Variants in PLAGL1 observed in about 807,000 individuals in gnomAD.
PLAGL1 encodes the protein zinc finger protein PLAGL1.
In PLAGL1, 1 loss-of-function variant was observed where a neutral mutation model predicts 4.6. The ratio of observed to expected loss-of-function variants is 0.22; its 90% confidence interval spans 0.08 to 1.03. The LOEUF is 1.03. PLAGL1 is among the 50% of genes least tolerant of loss of function. The probability of loss-of-function intolerance (pLI) is 0.58; values close to 1 mark genes in which losing one functional copy is unlikely to be tolerated. For synonymous variants in PLAGL1, 240 were observed against 237.8 expected (o/e 1.01, Z -0.08); for missense variants, 464 against 570.4 (o/e 0.81, Z 1.90).
At position 144,034,203 on chromosome 6, in the gene PLAGL1, C is replaced by T. The variant is rs1797046960; in HGVS notation, c.-151+30265G>A. On this transcript the variant is annotated intron_variant, in intron 1 of 3. Transcript: ENST00000437412. This position sits in a 1 kb window ranked among gnomAD's most constrained non-coding sequence, Gnocchi z 4.7. ...GGGGGTGCCCCAGCTTAGCGAACCC[C>T]AGCCTCCCTCCTGGGGTGCCTCATT... Among the ~76,000 whole-genome samples, 1 of 152,152 alleles carries T rather than the reference C, an allele frequency of 6.6e-6. No homozygotes were observed. Among genetic ancestry groups the T allele is most frequent in the Non-Finnish European group, 1.5e-5 (1 of 68,036 alleles).
At position 143,994,634 on chromosome 6, in the gene PLAGL1, G is replaced by T. The variant is rs1248125498; in HGVS notation, c.-583-9460C>A. Among the ~76,000 whole-genome samples, 1 of 152,156 alleles carries T rather than the reference G, an allele frequency of 6.6e-6. No individual in the cohort carries two copies. Among genetic ancestry groups the T allele is most frequent in the Admixed American group, 6.5e-5 (1 of 15,278 alleles). On this transcript the variant is annotated intron_variant, in intron 1 of 7. Transcript: ENST00000674357. The surrounding 1 kb of genome is among the most constrained non-coding windows in gnomAD (Gnocchi z 4.3). ...ATGAGAGACAGCAGTGTGACCACTG[G>T]AGCAGCTCATATTCGGTCCCAACAT...
At chr6:143,980,109 A>T (rs1019522904) in intron 2 of PLAGL1, among the ~76,000 whole-genome samples, 1 of 152,106 alleles carries the variant, frequency 6.6e-6, no homozygotes, top group Non-Finnish European at 1.5e-5. Flanking sequence ...CTCTGAATGT[A>T]TAGTTTTTTC....
At position 144,008,152 on chromosome 6, in the gene PLAGL1, A is replaced by G. The variant is rs1021140534; in HGVS notation, c.-646T>C. On this transcript the variant is annotated 5_prime_UTR_variant, in exon 1 of 8. An upstream start codon of the reference 5' UTR is lost. Coordinates refer to ENST00000674357, the MANE Select transcript of PLAGL1 (RefSeq NM_001317162.2). The surrounding 1 kb of genome is among the most constrained non-coding windows in gnomAD (Gnocchi z 6.9). Reference sequence around the variant, plus strand: ...GCTCGGGCGTGCCACCTCCGCGGCCATGACGGCGACCCGGGGAAGCGCCCC... The same window carrying G: ...GCTCGGGCGTGCCACCTCCGCGGCCGTGACGGCGACCCGGGGAAGCGCCCC... 5 of 151,742 alleles carry G rather than the reference A, an allele frequency of 3.3e-5. No individual in the cohort carries two copies. The highest frequency in any genetic ancestry group is 1.2e-4 in the African/African-American group (5 of 41,360). 9.4% of individuals were successfully genotyped at this position (151,742 alleles called of 1,614,324 possible).
At chr6:143,969,989 T>A (rs1437764321) in intron 2 of PLAGL1, among the ~76,000 whole-genome samples, 2 of 151,946 alleles carry the variant, frequency 1.3e-5, no homozygotes, top group Non-Finnish European at 1.5e-5. Flanking sequence ...TAGCTTTCAG[T>A]GAAAATAATG....
rs6917184 is a variant in PLAGL1 at position 143,957,228 on chromosome 6, G to C, written c.-325+3241C>G. Among the ~76,000 whole-genome samples, 2,772 of 152,322 alleles carry C rather than the reference G, an allele frequency of 0.018. 100 individuals carry two copies. The highest frequency in any genetic ancestry group is 0.064 in the African/African-American group (2,668 of 41,560). On this transcript the variant is annotated intron_variant, in intron 6 of 7. Transcript: ENST00000674357. The surrounding 1 kb of genome is among the most constrained non-coding windows in gnomAD (Gnocchi z 4.2). Reference sequence around the variant, plus strand: ...AAGGCAAGGGTTAAGTCCAGGCCTGGTTCTCAAGCTGAGATGGGACTGCCT... The same window carrying C: ...AAGGCAAGGGTTAAGTCCAGGCCTGCTTCTCAAGCTGAGATGGGACTGCCT...
At position 143,945,612 on chromosome 6, in the gene PLAGL1, A is replaced by G. The variant is rs1779589287; in HGVS notation, c.152+2373T>C. Reference sequence around the variant, plus strand: ...TACCTCAGCCTCCCGAGTAGCTGGGATTACAGGCGTGTACCACCACGCCCA... The same window carrying G: ...TACCTCAGCCTCCCGAGTAGCTGGGGTTACAGGCGTGTACCACCACGCCCA... On this transcript the variant is annotated intron_variant, in intron 7 of 7. Coordinates refer to ENST00000674357, the MANE Select transcript of PLAGL1 (RefSeq NM_001317162.2). The surrounding 1 kb of genome is among the most constrained non-coding windows in gnomAD (Gnocchi z 4.2). Among the ~76,000 whole-genome samples, 1 of 152,128 alleles carries G rather than the reference A, an allele frequency of 6.6e-6. No individual in the cohort carries two copies. The highest frequency in any genetic ancestry group is 1.5e-5 in the Non-Finnish European group (1 of 68,022).
chr6:144,045,675 C>T (rs1187270777), intron 1 of PLAGL1, among the ~76,000 whole-genome samples: 1 of 152,110 alleles, frequency 6.6e-6, no homozygotes, highest in Non-Finnish European at 1.5e-5. Flanking sequence ...CTTGGGGTTG[C>T]TCTTCTCAAG....
In PLAGL1 at chr6:144,034,283, A is replaced by G. The variant is rs115922377; in HGVS notation, c.-151+30185T>C. On this transcript the variant is annotated intron_variant, in intron 1 of 3. Coordinates refer to the PLAGL1 transcript ENST00000437412. This position sits in a 1 kb window ranked among gnomAD's most constrained non-coding sequence, Gnocchi z 4.7. ...CAAGGCCCAGGCTGACAACCCCCCAACCACACCACACCCTCTGGACTGAAG... is the reference window on the plus strand; with the variant it reads ...CAAGGCCCAGGCTGACAACCCCCCAGCCACACCACACCCTCTGGACTGAAG... 7.8e-4 allele frequency among the ~76,000 whole-genome samples: 119 copies of G among 152,084 alleles called. 1 individual carries two copies. The highest frequency in any genetic ancestry group is 2.2e-3 in the African/African-American group (91 of 41,448).
intron 1 of PLAGL1, among the ~76,000 whole-genome samples, chr6:144,025,817 CG>C (rs1460587537): frequency 6.6e-6 from 1 of 151,976 alleles, no homozygotes; most frequent in Admixed American, 6.6e-5. Context: ...CGCTTGAACC[CG>C]GGAGGTGGAG....
chr6:144,058,590 T>TA (rs774817336), intron 1 of PLAGL1, among the ~76,000 whole-genome samples: 2 of 152,168 alleles, frequency 1.3e-5, no homozygotes, highest in Non-Finnish European at 2.9e-5. Flanking sequence ...TTTGGGCCTA[T>TA]AAAAGCAAAA....
At chr6:143,981,518 G>A (rs1045366408) in intron 2 of PLAGL1, among the ~76,000 whole-genome samples, 8 of 152,254 alleles carry the variant, frequency 5.3e-5, no homozygotes, top group African/African-American at 1.7e-4. Context: ...CCTAGGATAA[G>A]CTGTGTTTGG....
intron 1 of PLAGL1, among the ~76,000 whole-genome samples, chr6:144,051,764 T>C (rs1798600560): frequency 1.3e-5 from 2 of 152,246 alleles, no homozygotes; most frequent in South Asian, 4.2e-4. Context: ...AGAGAGAGCT[T>C]GTGCAGGGGA....
rs1224913833 is a variant in PLAGL1 at position 144,027,226 on chromosome 6, A to AGAAT, written c.-151+37241_-151+37242insATTC. Among the ~76,000 whole-genome samples, 253 of 129,926 alleles carry AGAAT rather than the reference A, an allele frequency of 1.9e-3. 5 individuals carry two copies. Among genetic ancestry groups the AGAAT allele is most frequent in the African/African-American group, 7.4e-3 (243 of 32,950 alleles). The allele number at this position is 129,926 out of a possible 152,430, so 85.2% of individuals were successfully genotyped here. ...GTGACAGAGAAAGACCCCAACTCAA[A>AGAAT]GAACGAACGAAAGAAAGAAAGAAAG... On this transcript the variant is annotated intron_variant, in intron 1 of 3. Transcript: ENST00000437412. This position sits in a 1 kb window ranked among gnomAD's most constrained non-coding sequence, Gnocchi z 5.8.
chr6:143,942,449 C>A lies in PLAGL1; in HGVS notation c.367G>T (p.Gly123Trp), dbSNP rs201753929. ...CTCCCTAGCTCCAGGGCACAGACCC[C>A]ACAGGTGAGGTCCCCACTGCTGGCC... ...HAASSGDLTC[G>W]VCALELGSTE... The change falls in exon 8 of 8, where the codon GGG becomes TGG. Residue 123 changes from glycine to tryptophan, a missense_variant. Physicochemically the swap from Gly to Trp is radical, Grantham distance 184 (BLOSUM62 -2). Around this residue, in one of 4 missense-constraint regions of PLAGL1, gnomAD observed 161 missense variants for 196.7 expected, o/e 0.82. Coordinates refer to ENST00000674357, the MANE Select transcript of PLAGL1 (RefSeq NM_001317162.2). The surrounding 1 kb of genome is among the most constrained non-coding windows in gnomAD (Gnocchi z 7.6). The A allele has an allele frequency of 3.5e-5, 56 of 1,614,072 alleles. No homozygotes were observed. Among genetic ancestry groups the A allele is most frequent in the Non-Finnish European group, 1.0e-5 (12 of 1,180,032 alleles).
At chr6:144,009,209 G>A (rs1373583109), upstream of PLAGL1, among the ~76,000 whole-genome samples, 2 of 152,074 alleles carry the variant, frequency 1.3e-5, no homozygotes, top group African/African-American at 4.8e-5. Context: ...TGTTACTTTC[G>A]GCTTCCTAGC....
chr6:143,946,129 A>G (rs1337629102), intron 7 of PLAGL1, among the ~76,000 whole-genome samples: 1 of 152,196 alleles, frequency 6.6e-6, no homozygotes, highest in East Asian at 1.9e-4. Context: ...ATGTGTATGA[A>G]AAGTCAGCCT....
rs1303868024 is a variant in PLAGL1, at chr6:144,036,044, A to G, written c.-151+28424T>C. On this transcript the variant is annotated intron_variant, in intron 1 of 3. Coordinates refer to the PLAGL1 transcript ENST00000437412. This position sits in a 1 kb window ranked among gnomAD's most constrained non-coding sequence, Gnocchi z 5.1. ...TGATTACGTGTGGCTTAGCCTGGAAACCCTCAATGCAGGACTCCAACCCCA... is the reference window on the plus strand; with the variant it reads ...TGATTACGTGTGGCTTAGCCTGGAAGCCCTCAATGCAGGACTCCAACCCCA... 6.6e-6 allele frequency among the ~76,000 whole-genome samples: 1 copy of G among 151,972 alleles called. No homozygotes were observed. The highest frequency in any genetic ancestry group is 1.9e-4 in the East Asian group (1 of 5,174).
Position 144,015,235 on chromosome 6 carries a change from T to G in PLAGL1, c.-150-46257A>C, listed in dbSNP as rs948264560. Among the ~76,000 whole-genome samples, 3 of 152,236 alleles carry G rather than the reference T, an allele frequency of 2.0e-5. No homozygotes were observed. The highest frequency in any genetic ancestry group is 2.9e-5 in the Non-Finnish European group (2 of 68,040). On this transcript the variant is annotated intron_variant, in intron 1 of 3. Coordinates refer to the PLAGL1 transcript ENST00000437412. This position sits in a 1 kb window ranked among gnomAD's most constrained non-coding sequence, Gnocchi z 4.3. The stretch of plus-strand genomic sequence containing the variant: ...ATATTGATTACATGTTGAAATAATA[T>G]TTTAGATATATTGCATATAATTCAA...
intron 1 of PLAGL1, among the ~76,000 whole-genome samples, chr6:144,021,299 C>A (rs1343434493): frequency 6.6e-6 from 1 of 152,144 alleles, no homozygotes; most frequent in Non-Finnish European, 1.5e-5. Context: ...AGTTCTATTT[C>A]ATCAGGAAAT....
Sources: allele counts gnomAD v4.1 joint callset (sites outside exome capture counted in the v4.1 genomes callset), GRCh38; gene constraint gnomAD v4.1.1; regional missense constraint gnomAD v4.1.1; non-coding constraint Gnocchi (gnomAD v3.1); transcripts MANE v1.5; gene names NCBI Gene and HGNC (gene_info 2026-07-23, HGNC 2026-07-21).